Variants in C8A observed in about 807,000 individuals in gnomAD.
The protein encoded by C8A is complement C8 alpha chain.
C8A carries 67 observed loss-of-function variants against 65.3 expected under a neutral mutation model. That is an observed-to-expected ratio of 1.03 (90% CI 0.84 to 1.26). The LOEUF (loss-of-function observed/expected upper bound fraction) is 1.26, where lower values mean the gene tolerates loss of function less well. Among genes scored for constraint, C8A ranks in the 50% most tolerant of loss-of-function variants. The pLI, the probability that C8A is intolerant of heterozygous loss-of-function variation, is 0.00. For missense variants in C8A, 781 were observed against 723.9 expected, an observed-to-expected ratio of 1.08 and a Z score of -0.90; for synonymous variants, 290 against 259.4, an observed-to-expected ratio of 1.12 and a Z score of -1.13.
At chr1:56,907,444 C>T (rs1020769625) in intron 8 of C8A, among the ~76,000 whole-genome samples, 1 of 152,170 alleles carries the variant, frequency 6.6e-6, no homozygotes, top group Non-Finnish European at 1.5e-5. Context: ...CTCTTTCTAT[C>T]CTCTCTTCAT....
chr1:56,898,688 G>C (rs977038413), intron 7 of C8A, among the ~76,000 whole-genome samples: 1 of 152,102 alleles, frequency 6.6e-6, no homozygotes, highest in Non-Finnish European at 1.5e-5. Context: ...TATTGCAGCT[G>C]CTTGTGTCCA....
At chr1:56,882,296 C>T (rs749018255) in intron 5 of C8A, among the ~76,000 whole-genome samples, 2 of 152,148 alleles carry the variant, frequency 1.3e-5, no homozygotes, top group South Asian at 2.1e-4. Flanking sequence ...ATCCACACAG[C>T]GAACATCATT....
At chr1:56,911,092 C>T (rs1388009280) in intron 9 of C8A, among the ~76,000 whole-genome samples, 1 of 137,102 alleles carries the variant, frequency 7.3e-6, no homozygotes, top group Non-Finnish European at 1.5e-5. Context: ...ACTATTATCA[C>T]ATACAACTAA....
rs77503860 is a variant in C8A, at chr1:56,918,192, A to G, written c.*476A>G. On this transcript the variant is annotated 3_prime_UTR_variant, in exon 11 of 11. Transcript: ENST00000361249. ...AAGCAGACACTCTGAAACAATGAGA[A>G]AAATACTAAAAATTGACTTGAGTTA... 3,334 of 156,550 alleles carry G rather than the reference A, an allele frequency of 0.021. 125 individuals carry two copies. The highest frequency in any genetic ancestry group is 0.076 in the African/African-American group (3,166 of 41,580). The allele number at this position is 156,550 out of a possible 1,614,324, so 9.7% of individuals were successfully genotyped here.
At chr1:56,856,187 G>T (rs117932102) in intron 1 of C8A, among the ~76,000 whole-genome samples, 4 of 152,094 alleles carry the variant, frequency 2.6e-5, no homozygotes, top group Non-Finnish European at 5.9e-5. Flanking sequence ...ATGCCAGTGT[G>T]TCTGACACTG....
At chr1:56,861,572 G>A (rs1644033887) in intron 1 of C8A, among the ~76,000 whole-genome samples, 1 of 152,160 alleles carries the variant, frequency 6.6e-6, no homozygotes, top group Non-Finnish European at 1.5e-5. Context: ...GTTTCAACAT[G>A]AGTTTGTTTT....
intron 3 of C8A, among the ~76,000 whole-genome samples, 199 bp from the exon 4 acceptor site, chr1:56,875,863 A>G (rs1486588697): frequency 6.6e-6 from 1 of 152,124 alleles, no homozygotes; most frequent in Non-Finnish European, 1.5e-5. Flanking sequence ...TTAGAGAGAG[A>G]GAAACTCAGG....
At chr1:56,866,846 T>C (rs557842790) in intron 1 of C8A, among the ~76,000 whole-genome samples, 8 of 152,298 alleles carry the variant, frequency 5.3e-5, no homozygotes, top group East Asian at 1.9e-4. Context: ...CTTGGAGATA[T>C]GCTCTCTCAT....
At chr1:56,864,765 T>A (rs1304227392) in intron 1 of C8A, among the ~76,000 whole-genome samples, 3 of 152,190 alleles carry the variant, frequency 2.0e-5, no homozygotes, top group African/African-American at 7.2e-5. Flanking sequence ...TTGTGCCTGC[T>A]AGCACCATGT....
At chr1:56,861,667 C>A (rs982131186) in intron 1 of C8A, among the ~76,000 whole-genome samples, 2 of 152,182 alleles carry the variant, frequency 1.3e-5, no homozygotes, top group Non-Finnish European at 2.9e-5. Context: ...CAAAACTAGA[C>A]AATTTTCCAC....
chr1:56,909,815 G>T (rs755465459), intron 9 of C8A, among the ~76,000 whole-genome samples: 3 of 152,210 alleles, frequency 2.0e-5, no homozygotes, highest in Admixed American at 6.5e-5. Flanking sequence ...AGACTCAGGA[G>T]ATCAGAAGTT....
intron 4 of C8A, among the ~76,000 whole-genome samples, chr1:56,877,458 C>A (rs1644209497): frequency 6.6e-6 from 1 of 152,152 alleles, no homozygotes; most frequent in Non-Finnish European, 1.5e-5. Flanking sequence ...TGTCTATCTG[C>A]CCAGGCTAGG....
At chr1:56,870,616 C>T (rs1644135456) in intron 2 of C8A, among the ~76,000 whole-genome samples, 1 of 151,574 alleles carries the variant, frequency 6.6e-6, no homozygotes, top group Non-Finnish European at 1.5e-5. Context: ...TTACAGGTTC[C>T]ATAAATTAGG....
intron 6 of C8A, among the ~76,000 whole-genome samples, chr1:56,884,326 G>GCA (rs1644272749): frequency 6.6e-6 from 1 of 152,138 alleles, no homozygotes; most frequent in Non-Finnish European, 1.5e-5. Context: ...TCAGCCAGCT[G>GCA]AAGCACAGGG....
intron 2 of C8A, among the ~76,000 whole-genome samples, chr1:56,870,807 T>A (rs1644140121): frequency 6.6e-6 from 1 of 152,200 alleles, no homozygotes. Flanking sequence ...CTTAAAATAA[T>A]TAATTCTGTT....
chr1:56,881,569 C>T lies in C8A; in HGVS notation c.589C>T (p.Leu197Phe). The stretch of plus-strand genomic sequence containing the variant: ...TCGATATGACTCCACCTGTGAACGT[C>T]TCTACTATGGAGATGATGAGAAATA... ...ELRYDSTCER[L>F]YYGDDEKYFR... is the part of the protein sequence containing the mutation. The change falls in exon 5 of 11, where the codon CTC becomes TTC. Residue 197 changes from leucine to phenylalanine, a missense_variant. Leu to Phe is a conservative substitution (Grantham distance 22). Coordinates refer to ENST00000361249, the MANE Select transcript of C8A (RefSeq NM_000562.3). 6.2e-7 allele frequency: 1 copy of T among 1,613,810 alleles called. No individual in the cohort carries two copies.
At chr1:56,872,898 G>GA (rs573221503) in intron 2 of C8A, among the ~76,000 whole-genome samples, 9 of 144,248 alleles carry the variant, frequency 6.2e-5, no homozygotes, top group South Asian at 2.2e-4. Context: ...ATAAAGAGAG[G>GA]AAAAAAAAAA....
chr1:56,866,842 G>C (rs987489607), intron 1 of C8A, among the ~76,000 whole-genome samples: 1 of 152,196 alleles, frequency 6.6e-6, no homozygotes, highest in Non-Finnish European at 1.5e-5. Context: ...TGGGCTTGGA[G>C]ATATGCTCTC....
chr1:56,875,269 T>C (rs1176555521), intron 3 of C8A, among the ~76,000 whole-genome samples, 176 bp downstream of exon 3: 1 of 152,214 alleles, frequency 6.6e-6, no homozygotes, highest in East Asian at 1.9e-4. Context: ...GCAGCCCAAG[T>C]AATTTTGATT....
Sources: allele counts gnomAD v4.1 joint callset (sites outside exome capture counted in the v4.1 genomes callset), GRCh38; gene constraint gnomAD v4.1.1; transcripts MANE v1.5; gene names NCBI Gene and HGNC (gene_info 2026-07-23, HGNC 2026-07-21).